Variants in SLC6A12 observed in about 807,000 individuals in gnomAD.
SLC6A12 encodes the protein sodium- and chloride-dependent betaine transporter.
In SLC6A12, 50 loss-of-function variants were observed where a neutral mutation model predicts 73.3. The ratio of observed to expected loss-of-function variants is 0.68; its 90% CI spans 0.54 to 0.86. The LOEUF (loss-of-function observed/expected upper bound fraction) is 0.86, where lower values mean the gene tolerates loss of function less well. Among genes scored for constraint, SLC6A12 ranks in the 40% least tolerant of loss-of-function variants. SLC6A12 has a pLI of 0.00. For synonymous variants in SLC6A12, 304 were observed against 309.2 expected (o/e 0.98, Z 0.18); for missense variants, 648 against 772.8 (o/e 0.84, Z 1.92).
chr12:202,718 C>A, intron 5 of SLC6A12, 22 bp downstream of exon 5: 1 of 1,608,162 alleles, frequency 6.2e-7, no homozygotes, highest in South Asian at 1.1e-5. Context: ...GGCAACATCC[C>A]AGGGGCTGAA....
In SLC6A12 at chr12:212,064, G is replaced by A; in HGVS notation, c.-96C>T. On this transcript the variant is annotated 5_prime_UTR_variant, in exon 2 of 16. Transcript: ENST00000684302. ...CGTGGAGCTGGGTCTCTAACTTGCT[G>A]TGTGACCTCAGGCAAATCACACCCC... 6.6e-6 allele frequency: 1 copy of A among 152,236 alleles called. No individual in the cohort carries two copies. The highest frequency in any genetic ancestry group is 1.9e-4 in the East Asian group (1 of 5,204). The allele number at this position is 152,236 out of a possible 1,614,324, so 9.4% of individuals were successfully genotyped here. A position where few individuals can be genotyped will look rare whatever the true frequency, so the allele number is the denominator to read the frequency against.
At chr12:197,599 G>C in intron 9 of SLC6A12, 98 bp from the exon 10 acceptor site, 1 of 1,298,462 alleles carries the variant, frequency 7.7e-7, no homozygotes, top group Non-Finnish European at 1.0e-6. Context: ...CAGTGAGAGG[G>C]GACCAAGGAG....
Position 194,645 on chromosome 12 carries a change from A to G in SLC6A12, c.1429+580T>C, listed in dbSNP as rs74443326. Reference sequence around the variant, plus strand: ...CTTCTTCCCCTTCCTGGTGTAGGACATGGTCACCCCCTGGCTGTTGCAGCA... The same window carrying G: ...CTTCTTCCCCTTCCTGGTGTAGGACGTGGTCACCCCCTGGCTGTTGCAGCA... On this transcript the variant is annotated intron_variant, in intron 13 of 15. Transcript: ENST00000684302. Among the ~76,000 whole-genome samples, 55 of 152,216 alleles carry G rather than the reference A, an allele frequency of 3.6e-4. No homozygotes were observed. In the East Asian group the frequency reaches 8.3e-3, roughly 23 times the overall value.
chr12:199,419 T>C (rs557838966), intron 7 of SLC6A12, among the ~76,000 whole-genome samples: 9 of 152,320 alleles, frequency 5.9e-5, no homozygotes, highest in Admixed American at 2.0e-4. Context: ...CCCAGGGGAA[T>C]AGTGACCAGA....
chr12:191,985 T>C lies in SLC6A12; in HGVS notation c.1701+493A>G, dbSNP rs552349354. Among the ~76,000 whole-genome samples, 50 of 152,374 alleles carry C rather than the reference T, an allele frequency of 3.3e-4. 1 individual carries two copies. In the South Asian group the frequency reaches 8.5e-3, roughly 26 times the overall value. ...GATAGATTTCTACCTTTGTGGGTCATTGGCTATAGCTCCTTCCAGGAGGAT... is the reference window on the plus strand; with the variant it reads ...GATAGATTTCTACCTTTGTGGGTCACTGGCTATAGCTCCTTCCAGGAGGAT... On this transcript the variant is annotated intron_variant, in intron 15 of 15. Transcript: ENST00000684302.
chr12:204,815 T>C, intron 3 of SLC6A12, 117 bp from the exon 4 acceptor site: 1 of 1,182,960 alleles, frequency 8.5e-7, no homozygotes, highest in Admixed American at 2.1e-5. Context: ...TTAATCTCCC[T>C]CCTGACACTT....
At chr12:209,603 A>AGAGG in intron 3 of SLC6A12, 170 bp downstream of exon 3, 1 of 667,656 alleles carries the variant, frequency 1.5e-6, no homozygotes, top group Non-Finnish European at 2.6e-6. Flanking sequence ...CATTTCACAG[A>AGAGG]GAGGGACGCT....
intron 4 of SLC6A12, among the ~76,000 whole-genome samples, 179 bp from the exon 5 acceptor site, chr12:203,059 C>CTTTTTTTTTT (rs10582500): frequency 7.3e-5 from 5 of 68,330 alleles, no homozygotes; most frequent in Non-Finnish European, 1.0e-4. Flanking sequence ...TTTTTCTTTT[C>CTTTTTTTTTT]TTTTTTTTTT....
rs1940922214 is a variant in SLC6A12 at position 212,014 on chromosome 12, GA to G, written c.-58+11del. 6.6e-6 allele frequency: 1 copy of G among 152,346 alleles called. No homozygotes were observed. The highest frequency in any genetic ancestry group is 1.9e-4 in the East Asian group (1 of 5,192). The allele number at this position is 152,346 out of a possible 1,614,324, so 9.4% of individuals were successfully genotyped here. On this transcript the variant is annotated intron_variant, in intron 2 of 15. Transcript: ENST00000684302. ...CTGGGGGACACTGTTCTCAATGCTA[GA>G]ATACACTTACCAAGACAATGAGTCG...
In SLC6A12 at chr12:213,104, C is replaced by T. The variant is rs1230431435; in HGVS notation, c.-143+818G>A. Among the ~76,000 whole-genome samples, 1 of 152,146 alleles carries T rather than the reference C, an allele frequency of 6.6e-6. No homozygotes were observed. The highest frequency in any genetic ancestry group is 2.4e-5 in the African/African-American group (1 of 41,408). ...GCAGACGAGACCAGAAATGCTGCTG[C>T]CCATGTGCTGCTGGGATCCCAGCTC... On this transcript the variant is annotated intron_variant, in intron 1 of 15. Coordinates refer to ENST00000684302, the MANE Select transcript of SLC6A12 (RefSeq NM_001122848.3). This position sits in a 1 kb window ranked among gnomAD's most constrained non-coding sequence, Gnocchi z 5.3.
At chr12:209,468 ATGAC>A (rs1940813635) in intron 3 of SLC6A12, among the ~76,000 whole-genome samples, 1 of 152,224 alleles carries the variant, frequency 6.6e-6, no homozygotes, top group African/African-American at 2.4e-5. Context: ...CACTGAATGA[ATGAC>A]TGAATTCTAT....
chr12:187,903 T>C (rs956383611), downstream of SLC6A12, among the ~76,000 whole-genome samples: 26 of 152,124 alleles, frequency 1.7e-4, no homozygotes, highest in African/African-American at 5.8e-4. Flanking sequence ...GATTGGTGCA[T>C]TCACAAACCC....
At chr12:189,173 T>TG (rs1217166293), downstream of SLC6A12, among the ~76,000 whole-genome samples, 2 of 151,890 alleles carry the variant, frequency 1.3e-5, no homozygotes, top group Admixed American at 6.5e-5. Flanking sequence ...CGGGAAGTAC[T>TG]GGACTAGCTG....
chr12:202,883 T>C lies in SLC6A12; in HGVS notation c.350-3A>G, dbSNP rs1940351229. 1 of 1,613,582 alleles carries C rather than the reference T, an allele frequency of 6.2e-7. No homozygotes were observed. The highest frequency in any genetic ancestry group is 8.5e-7 in the Non-Finnish European group (1 of 1,179,772). On this transcript the variant is annotated splice_polypyrimidine_tract_variant and splice_region_variant and intron_variant, in intron 4 of 15. Transcript: ENST00000684302. ...GACCACAGATGCCAGACCAATGCCT[T>C]CCAGAGTGGGGGAGAGATGGGGAGG...
intron 14 of SLC6A12, chr12:192,953 G>C (rs951014943): frequency 2.1e-6 from 1 of 487,454 alleles, no homozygotes; most frequent in Non-Finnish European, 3.7e-6. Flanking sequence ...ACGGAGACAG[G>C]GGGTGATACA....
At chr12:210,127 A>G in intron 2 of SLC6A12, 84 bp from the exon 3 acceptor site, 1 of 1,427,576 alleles carries the variant, frequency 7.0e-7, no homozygotes, top group South Asian at 1.5e-5. Context: ...CGCTGTCAGC[A>G]TATTGTTGTT....
intron 2 of SLC6A12, chr12:210,306 C>T (rs909681039): frequency 8.3e-6 from 10 of 1,208,230 alleles, no homozygotes; most frequent in African/African-American, 3.1e-5. Flanking sequence ...AACTCAGGCT[C>T]GGGCTTTTCA....
chr12:202,323 A>C (rs963175348), intron 5 of SLC6A12, among the ~76,000 whole-genome samples: 1 of 152,028 alleles, frequency 6.6e-6, no homozygotes, highest in African/African-American at 2.4e-5. Flanking sequence ...TTCACCTATC[A>C]CAATTTGTAG....
chr12:198,530 C>A lies in SLC6A12; in HGVS notation c.846+267G>T, dbSNP rs1256779355. The A allele has an allele frequency of 5.8e-6, 2 of 345,028 alleles. No individual in the cohort carries two copies. The allele number at this position is 345,028 out of a possible 1,614,324, so 21.4% of individuals were successfully genotyped here. A position where few individuals can be genotyped will look rare whatever the true frequency, so the allele number is the denominator to read the frequency against. On this transcript the variant is annotated intron_variant, in intron 8 of 15. Coordinates refer to ENST00000684302, the MANE Select transcript of SLC6A12 (RefSeq NM_001122848.3). This position sits in a 1 kb window ranked among gnomAD's most constrained non-coding sequence, Gnocchi z 4.0. ...AGTGAGCTATGATGGCACCACTGCA[C>A]TCCAGCCTGGGGGACAGAGCCAGAC...
Sources: allele counts gnomAD v4.1 joint callset (sites outside exome capture counted in the v4.1 genomes callset), GRCh38; gene constraint gnomAD v4.1.1; non-coding constraint Gnocchi (gnomAD v3.1); transcripts MANE v1.5; gene names NCBI Gene and HGNC (gene_info 2026-07-23, HGNC 2026-07-21).